Variants in GLI3 observed in about 807,000 individuals in gnomAD.
The protein encoded by GLI3 is transcription activator GLI3.
A neutral mutation model predicts 100.8 loss-of-function variants in GLI3; 20 were observed. That is an observed-to-expected ratio of 0.20 (90% CI 0.14 to 0.29). The LOEUF (loss-of-function observed/expected upper bound fraction) is 0.29, where lower values mean the gene tolerates loss of function less well. Ranked by LOEUF, GLI3 falls within the 10% of genes least tolerant of loss-of-function variation. The pLI, the probability that GLI3 is intolerant of heterozygous loss-of-function variation, is 1.00. For missense variants in GLI3, 2,040 were observed against 2,128.5 expected, an observed-to-expected ratio of 0.96 and a Z score of 0.82; for synonymous variants, 938 against 860.5, an observed-to-expected ratio of 1.09 and a Z score of -1.58.
intron 10 of GLI3, among the ~76,000 whole-genome samples, chr7:42,017,713 G>A (rs1489334182): frequency 6.6e-6 from 1 of 152,232 alleles, no homozygotes; most frequent in Non-Finnish European, 1.5e-5. Flanking sequence ...GAAAAAGGAA[G>A]TCTCTTGGCT....
At chr7:42,239,732 A>G (rs1430661389), upstream of GLI3, among the ~76,000 whole-genome samples, 6 of 152,106 alleles carry the variant, frequency 3.9e-5, no homozygotes, top group Non-Finnish European at 8.8e-5. Flanking sequence ...CTTTCCCCCT[A>G]TGCCCGTCAC....
intron 3 of GLI3, among the ~76,000 whole-genome samples, chr7:42,096,997 A>G (rs950848852): frequency 3.9e-5 from 6 of 152,142 alleles, no homozygotes; most frequent in East Asian, 1.9e-4. Context: ...GCTGTGCTCA[A>G]TTTCACCCCC....
In GLI3 at chr7:42,026,344, C is replaced by A. The variant is rs774754578; in HGVS notation, c.1097G>T (p.Arg366Leu). Residue 366 changes from arginine to leucine, a missense_variant, in exon 8 of 15, where the codon CGA (arginine) becomes CTA (leucine). Physicochemically the swap from Arg to Leu is moderately radical, Grantham distance 102. This residue lies in a region of GLI3 where 603 missense variants were observed against 690.9 expected (regional missense o/e 0.87). Coordinates refer to ENST00000395925, the MANE Select transcript of GLI3 (RefSeq NM_000168.6). Reference sequence around the variant, plus strand: ...AAAGGCTGAACCTAAGCTCTGTTGTCGGCTTAGGATCTGCTGATGCATGTG... The same window carrying A: ...AAAGGCTGAACCTAAGCTCTGTTGTAGGCTTAGGATCTGCTGATGCATGTG... Reference protein sequence around the residue: ...SLHMHQQILSRQQSLGSAFGH... With the variant: ...SLHMHQQILSLQQSLGSAFGH... The A allele has an allele frequency of 1.9e-6, 3 of 1,614,042 alleles. No homozygotes were observed. The highest frequency in any genetic ancestry group is 2.5e-6 in the Non-Finnish European group (3 of 1,179,962).
At chr7:42,066,397 A>G (rs1479247481) in intron 4 of GLI3, among the ~76,000 whole-genome samples, 4 of 152,158 alleles carry the variant, frequency 2.6e-5, no homozygotes, top group Non-Finnish European at 5.9e-5. Flanking sequence ...ACAAACACAG[A>G]AACCACCACC....
rs191850262 is a variant in GLI3 at position 42,184,187 on chromosome 7, A to G, written c.125-35719T>C. ...CTCTACCTCCCGTCATGCTTAGAAT[A>G]AAACTAAAATTCCTGCCTCAGCCTC... On this transcript the variant is annotated intron_variant, in intron 2 of 14. Transcript: ENST00000395925. Among the ~76,000 whole-genome samples, 578 of 152,324 alleles carry G rather than the reference A, an allele frequency of 3.8e-3. 2 individuals are homozygous for G. The highest frequency in any genetic ancestry group is 0.013 in the African/African-American group (558 of 41,580).
At chr7:42,082,604 A>G (rs1343712501) in intron 3 of GLI3, among the ~76,000 whole-genome samples, 1 of 152,092 alleles carries the variant, frequency 6.6e-6, no homozygotes. Flanking sequence ...AGCACTAGGA[A>G]TCTTTTTTCT....
At chr7:42,123,213 A>G (rs1246538426) in intron 3 of GLI3, among the ~76,000 whole-genome samples, 2 of 152,170 alleles carry the variant, frequency 1.3e-5, no homozygotes, top group Admixed American at 6.5e-5. Context: ...TAGTAACTCT[A>G]TTTTCACATT....
At position 42,107,096 on chromosome 7, in the gene GLI3, G is replaced by T. The variant is rs1704705902; in HGVS notation, c.368-30239C>A. 2.6e-5 allele frequency among the ~76,000 whole-genome samples: 4 copies of T among 152,178 alleles called. No homozygotes were observed. The South Asian group carries it at 8.3e-4, about 32-fold the overall frequency. On this transcript the variant is annotated intron_variant, in intron 3 of 14. Coordinates refer to ENST00000395925, the MANE Select transcript of GLI3 (RefSeq NM_000168.6). Reference sequence around the variant, plus strand: ...TTTGGGAGGCCGAGGCTGGCAAACTGCTTGAGCCCAGGAGTTTGAGACCAG... The same window carrying T: ...TTTGGGAGGCCGAGGCTGGCAAACTTCTTGAGCCCAGGAGTTTGAGACCAG...
At chr7:42,149,232 G>A (rs1485523415) in intron 2 of GLI3, among the ~76,000 whole-genome samples, 3 of 152,222 alleles carry the variant, frequency 2.0e-5, no homozygotes, top group Non-Finnish European at 4.4e-5. Flanking sequence ...GGTGAGGAAG[G>A]AAGGTGTGGG....
chr7:42,121,012 T>C (rs1785984845), intron 3 of GLI3, among the ~76,000 whole-genome samples: 1 of 152,246 alleles, frequency 6.6e-6, no homozygotes, highest in Non-Finnish European at 1.5e-5. Flanking sequence ...AGAGATATTA[T>C]GTTCACTGGC....
chr7:42,079,552 C>A (rs1784956394), intron 3 of GLI3, among the ~76,000 whole-genome samples: 1 of 152,194 alleles, frequency 6.6e-6, no homozygotes, highest in Non-Finnish European at 1.5e-5. Context: ...TTACTTAACA[C>A]ACATCATCTG....
At chr7:42,231,668 CTGGA>C (rs896337169) in intron 1 of GLI3, among the ~76,000 whole-genome samples, 1 of 152,166 alleles carries the variant, frequency 6.6e-6, no homozygotes, top group Non-Finnish European at 1.5e-5. Flanking sequence ...TCTTAAGCTG[CTGGA>C]TGAAATTTCT....
Position 42,182,660 on chromosome 7 carries a change from A to ACATGTGTGTG in GLI3, c.125-34193_125-34192insCACACACATG, listed in dbSNP as rs1408128753. ...TATGTGTGTGTATATATATATATAT[A>ACATGTGTGTG]TATATATATATATATATATATACAC... On this transcript the variant is annotated intron_variant, in intron 2 of 14. Transcript: ENST00000395925. 2.4e-4 allele frequency among the ~76,000 whole-genome samples: 14 copies of ACATGTGTGTG among 59,104 alleles called. 2 individuals carry two copies. Among genetic ancestry groups the ACATGTGTGTG allele is most frequent in the African/African-American group, 1.2e-3 (12 of 10,304 alleles). 38.8% of individuals were successfully genotyped at this position (59,104 alleles called of 152,430 possible).
At chr7:41,997,643 T>C (rs1043448227) in intron 10 of GLI3, among the ~76,000 whole-genome samples, 3 of 152,222 alleles carry the variant, frequency 2.0e-5, no homozygotes, top group African/African-American at 7.2e-5. Context: ...ATCCCTCAAA[T>C]GATACCTTCT....
intron 4 of GLI3, among the ~76,000 whole-genome samples, chr7:42,057,181 G>C (rs1238497494): frequency 6.6e-6 from 1 of 152,096 alleles, no homozygotes; most frequent in African/African-American, 2.4e-5. Context: ...TAAAAATCAT[G>C]TATTTTGAAT....
chr7:41,964,065 T>TTG lies in GLI3; in HGVS notation c.*264_*265insCA. On this transcript the variant is annotated 3_prime_UTR_variant, in exon 15 of 15. Coordinates refer to ENST00000395925, the MANE Select transcript of GLI3 (RefSeq NM_000168.6). ...ACTAAAAAGGGGGCGGGGCTTACAG[T>TTG]TTTTTTTTTTTTTTTTAAAAAGAGG... The TTG allele has an allele frequency of 1.7e-5, 2 of 115,638 alleles. No individual in the cohort carries two copies. Among genetic ancestry groups the TTG allele is most frequent in the South Asian group, 1.3e-4 (1 of 7,700 alleles). 7.2% of individuals were successfully genotyped at this position (115,638 alleles called of 1,614,324 possible).
At position 42,026,256 on chromosome 7, in the gene GLI3, C is replaced by A. The variant is rs1276775223; in HGVS notation, c.1185G>T (p.Gly395=). 9 of 1,613,978 alleles carry A rather than the reference C, an allele frequency of 5.6e-6. No homozygotes were observed. Among genetic ancestry groups the A allele is most frequent in the Admixed American group, 1.7e-5 (1 of 60,000 alleles). The change falls in exon 8 of 15, where the codon GGG becomes GGT. Residue 395 remains glycine, a synonymous_variant. Coordinates refer to ENST00000395925, the MANE Select transcript of GLI3 (RefSeq NM_000168.6). ...GGACGGGGTTCAGAACCGTAGGGATCCCTGGAATAGGCCTCTGTGTTGGAA... is the reference window on the plus strand; with the variant it reads ...GGACGGGGTTCAGAACCGTAGGGATACCTGGAATAGGCCTCTGTGTTGGAA... ...PTFPTQRPIP[G]IPTVLNPVQV...
intron 3 of GLI3, among the ~76,000 whole-genome samples, chr7:42,078,024 A>G (rs576776276): frequency 1.1e-4 from 17 of 152,264 alleles, no homozygotes; most frequent in African/African-American, 4.1e-4. Context: ...GCTTCCAGTT[A>G]TTTCACCCTA....
intron 13 of GLI3, among the ~76,000 whole-genome samples, chr7:41,968,744 GAAAGAAAGAAAGAAAGAAGGAAA>G (rs1787279170): frequency 3.9e-5 from 5 of 127,264 alleles, no homozygotes; most frequent in South Asian, 5.0e-4. Context: ...AAGAAAGAAA[GAAAGAAAGAAAGAAAGAAGGAAA>G]GAAAGAAAGA....
Sources: allele counts gnomAD v4.1 joint callset (sites outside exome capture counted in the v4.1 genomes callset), GRCh38; gene constraint gnomAD v4.1.1; regional missense constraint gnomAD v4.1.1; transcripts MANE v1.5; gene names NCBI Gene and HGNC (gene_info 2026-07-23, HGNC 2026-07-21).